Variants in REEP1 observed in about 807,000 individuals in gnomAD.
REEP1 encodes receptor accessory protein 1.
REEP1 carries 22 observed loss-of-function variants against 40.3 expected under a neutral mutation model. The observed-to-expected ratio is 0.55, with a 90% confidence interval of 0.39 to 0.78. The LOEUF (loss-of-function observed/expected upper bound fraction) is 0.78, where lower values mean the gene tolerates loss of function less well. REEP1 is among the 30% of genes least tolerant of loss of function. The probability of loss-of-function intolerance (pLI) is 0.00; values close to 1 mark genes in which losing one functional copy is unlikely to be tolerated. For synonymous variants in REEP1, 116 were observed against 139.2 expected (o/e 0.83, Z 1.17); for missense variants, 280 against 361.1 (o/e 0.78, Z 1.82).
intron 1 of REEP1, among the ~76,000 whole-genome samples, chr2:86,326,182 G>A (rs1435619727): frequency 6.6e-6 from 1 of 152,204 alleles, no homozygotes; most frequent in Non-Finnish European, 1.5e-5. Flanking sequence ...GACTGGTTAT[G>A]TGACCTCATA....
chr2:86,312,796 T>C (rs1679821825), intron 1 of REEP1, among the ~76,000 whole-genome samples: 1 of 152,232 alleles, frequency 6.6e-6, no homozygotes, highest in Non-Finnish European at 1.5e-5. Flanking sequence ...ACATAAAGCA[T>C]ACTTGTAAAT....
chr2:86,294,723 T>TTAGA (rs10674625), intron 1 of REEP1, among the ~76,000 whole-genome samples: 43,644 of 148,806 alleles, frequency 0.29, 6,325 homozygotes, highest in East Asian at 0.33. Flanking sequence ...GATTTATATT[T>TTAGA]TAGATAGATA....
At chr2:86,297,636 C>G (rs1162068222) in intron 1 of REEP1, 16 of 906,370 alleles carry the variant, frequency 1.8e-5, no homozygotes, top group Non-Finnish European at 2.1e-5. Flanking sequence ...AGAGATTCTC[C>G]CCGGGGGTTG....
chr2:86,267,066 T>A (rs1270500622), intron 2 of REEP1, among the ~76,000 whole-genome samples: 3 of 151,460 alleles, frequency 2.0e-5, no homozygotes, highest in African/African-American at 7.3e-5. Flanking sequence ...GAGGCCAAGA[T>A]GAGAGAATTG....
At chr2:86,310,936 T>C (rs917202553) in intron 1 of REEP1, among the ~76,000 whole-genome samples, 4 of 152,318 alleles carry the variant, frequency 2.6e-5, no homozygotes, top group South Asian at 4.1e-4. Flanking sequence ...ATGTAGGTCA[T>C]TGTCCAATAA....
intron 5 of REEP1, among the ~76,000 whole-genome samples, chr2:86,241,993 C>T (rs1024848744): frequency 1.3e-5 from 2 of 152,068 alleles, no homozygotes; most frequent in Admixed American, 6.5e-5. Context: ...GAAGAGCCTG[C>T]CTTGTAAATA....
chr2:86,321,439 A>C (rs1324596611), intron 1 of REEP1, among the ~76,000 whole-genome samples: 1 of 152,220 alleles, frequency 6.6e-6, no homozygotes, highest in East Asian at 1.9e-4. Context: ...CAGAGTACAG[A>C]AAAAGATGAG....
intron 3 of REEP1, among the ~76,000 whole-genome samples, chr2:86,256,006 T>C (rs2104253774): frequency 6.6e-6 from 1 of 152,254 alleles, no homozygotes. Context: ...CCTTGCTTAC[T>C]CTGGAGGAAC....
intron 2 of REEP1, among the ~76,000 whole-genome samples, chr2:86,271,712 T>C (rs1290886269): frequency 6.6e-6 from 1 of 152,236 alleles, no homozygotes; most frequent in Non-Finnish European, 1.5e-5. Flanking sequence ...AGGTTGTCTG[T>C]AGCAGCACTG....
At chr2:86,285,563 A>C (rs1296598992) in intron 1 of REEP1, among the ~76,000 whole-genome samples, 1 of 152,202 alleles carries the variant, frequency 6.6e-6, no homozygotes, top group Admixed American at 6.5e-5. Context: ...GAGGCTTAGC[A>C]TCATTACTTA....
intron 1 of REEP1, among the ~76,000 whole-genome samples, chr2:86,300,564 A>G (rs1679214699): frequency 6.6e-6 from 1 of 152,198 alleles, no homozygotes; most frequent in Non-Finnish European, 1.5e-5. Context: ...AGAGTACCAG[A>G]CACACAGAGA....
chr2:86,271,187 G>T (rs1677427009), intron 2 of REEP1, among the ~76,000 whole-genome samples: 1 of 151,876 alleles, frequency 6.6e-6, no homozygotes, highest in South Asian at 2.1e-4. Context: ...GCAAGATTCT[G>T]TCTCAAACAA....
intron 1 of REEP1, chr2:86,336,654 A>G (rs1434074270): frequency 6.6e-6 from 1 of 152,612 alleles, no homozygotes; most frequent in East Asian, 1.9e-4. Flanking sequence ...AAACGCCTAC[A>G]GGTCCTGGGG....
At chr2:86,306,639 C>T (rs1202575529) in intron 1 of REEP1, among the ~76,000 whole-genome samples, 2 of 152,166 alleles carry the variant, frequency 1.3e-5, no homozygotes, top group Admixed American at 1.3e-4. Flanking sequence ...ATTTCCCTGT[C>T]CTCTGATGAG....
intron 1 of REEP1, among the ~76,000 whole-genome samples, chr2:86,324,739 T>C (rs532385715): frequency 6.6e-6 from 1 of 152,204 alleles, no homozygotes; most frequent in East Asian, 1.9e-4. Context: ...TGTTATCAAG[T>C]AGAAGATGCA....
chr2:86,309,003 CT>C (rs1278130325), intron 1 of REEP1, among the ~76,000 whole-genome samples: 1 of 152,200 alleles, frequency 6.6e-6, no homozygotes. Flanking sequence ...GCTGACCCAC[CT>C]CCCACACTGT....
At chr2:86,327,184 GA>G (rs1424041555) in intron 1 of REEP1, among the ~76,000 whole-genome samples, 2 of 152,102 alleles carry the variant, frequency 1.3e-5, no homozygotes, top group African/African-American at 4.8e-5. Flanking sequence ...TTTACTTCCA[GA>G]AGTGCTTCTT....
At chr2:86,232,548 C>A in intron 6 of REEP1, 77 bp downstream of exon 6, 1 of 1,541,674 alleles carries the variant, frequency 6.5e-7, no homozygotes, top group Non-Finnish European at 8.9e-7. Flanking sequence ...GGCTGCATGC[C>A]ACACTGCGGA....
At chr2:86,260,080 TG>T (rs1382497607) in intron 3 of REEP1, among the ~76,000 whole-genome samples, 1 of 152,150 alleles carries the variant, frequency 6.6e-6, no homozygotes, top group Non-Finnish European at 1.5e-5. Context: ...CATTCCCTGA[TG>T]GGCCCATCCT....
Sources: gnomAD v4.1 joint callset for allele counts (sites outside exome capture counted in the v4.1 genomes callset) on GRCh38, gnomAD v4.1.1 for gene constraint, MANE v1.5 for transcripts, NCBI Gene and HGNC (gene_info 2026-07-23, HGNC 2026-07-21) for gene names.